PTPRM: variants seen among roughly 807,000 people sequenced by gnomAD.
PTPRM encodes the protein protein tyrosine phosphatase receptor type M, also known as receptor-type tyrosine-protein phosphatase mu.
In PTPRM, 47 loss-of-function variants were observed where a neutral mutation model predicts 186.7. The observed-to-expected ratio is 0.25, with a 90% CI of 0.20 to 0.32. The LOEUF (loss-of-function observed/expected upper bound fraction) is 0.32, where lower values mean the gene tolerates loss of function less well. PTPRM is among the 10% of genes least tolerant of loss of function. PTPRM has a pLI of 1.00. For synonymous variants in PTPRM, 668 were observed against 674.9 expected, an observed-to-expected ratio of 0.99 and a Z score of 0.16; for missense variants, 1,494 against 1,865.0, an observed-to-expected ratio of 0.80 and a Z score of 3.66.
Position 8,277,950 on chromosome 18 carries a change from G to GA in PTPRM, c.2755-18411dup, listed in dbSNP as rs1044713678. ...GAGTAGGGAGAGAAGTGGGCTAGAA[G>GA]AAAAAAATTAACTATGGAAAAACAT... On this transcript the variant is annotated intron_variant, in intron 19 of 32. Transcript: ENST00000580170. Among the ~76,000 whole-genome samples, 11 of 152,288 alleles carry GA rather than the reference G, an allele frequency of 7.2e-5. No homozygotes were observed. In the South Asian group the frequency reaches 1.7e-3, roughly 23 times the overall value.
Position 7,947,003 on chromosome 18 carries a change from T to A in PTPRM, c.664-2178T>A, listed in dbSNP as rs529871690. On this transcript the variant is annotated intron_variant, in intron 5 of 32. Transcript: ENST00000580170. ...GTGAGTTTTACAGCAGCACTGAACATATGGGAGGCCTTGTGGTTTTCTAGG... is the reference window on the plus strand; with the variant it reads ...GTGAGTTTTACAGCAGCACTGAACAAATGGGAGGCCTTGTGGTTTTCTAGG... 1.6e-3 allele frequency: 748 copies of A among 456,114 alleles called. 15 individuals are homozygous for A. The highest frequency in any genetic ancestry group is 0.011 in the South Asian group (727 of 64,558). The allele number at this position is 456,114 out of a possible 1,614,324, so 28.3% of individuals were successfully genotyped here.
At chr18:7,793,036 C>G (rs537732295) in intron 2 of PTPRM, among the ~76,000 whole-genome samples, 1 of 152,242 alleles carries the variant, frequency 6.6e-6, no homozygotes, top group Middle Eastern at 3.4e-3. Flanking sequence ...CTGCAAGGAC[C>G]AAATCAAGGA....
At chr18:8,240,523 AAGG>A (rs2094407457) in intron 14 of PTPRM, among the ~76,000 whole-genome samples, 2 of 103,328 alleles carry the variant, frequency 1.9e-5, no homozygotes, top group African/African-American at 4.1e-5. Flanking sequence ...GGAAGGAAGG[AAGG>A]AAGGAAGGAA....
At chr18:7,796,041 C>G (rs2043625221) in intron 2 of PTPRM, among the ~76,000 whole-genome samples, 1 of 151,972 alleles carries the variant, frequency 6.6e-6, no homozygotes, top group African/African-American at 2.4e-5. Flanking sequence ...AACTCTTGGG[C>G]TCAAGTGATC....
chr18:7,917,896 A>G (rs141534586), intron 4 of PTPRM, among the ~76,000 whole-genome samples: 39 of 152,230 alleles, frequency 2.6e-4, no homozygotes, highest in African/African-American at 8.4e-4. Flanking sequence ...CATGAGATCC[A>G]CTATTTTAGC....
At chr18:7,981,020 T>C (rs7351012) in intron 7 of PTPRM, among the ~76,000 whole-genome samples, 70,173 of 151,924 alleles carry the variant, frequency 0.46, 16,538 homozygotes, top group African/African-American at 0.55. Context: ...CAGTTCCCCT[T>C]GTTTTTCCCC....
chr18:8,349,549 A>G (rs984511533), intron 23 of PTPRM, among the ~76,000 whole-genome samples: 1 of 152,222 alleles, frequency 6.6e-6, no homozygotes, highest in African/African-American at 2.4e-5. Context: ...CGCCTATCAT[A>G]GGATGAAGCT....
intron 9 of PTPRM, among the ~76,000 whole-genome samples, chr18:8,077,971 G>A (rs1362264417): frequency 6.6e-6 from 1 of 152,158 alleles, no homozygotes; most frequent in African/African-American, 2.4e-5. Context: ...GGACTACCCA[G>A]TTGAACACTG....
intron 14 of PTPRM, among the ~76,000 whole-genome samples, chr18:8,222,657 C>T (rs2094166839): frequency 6.6e-6 from 1 of 152,190 alleles, no homozygotes; most frequent in Non-Finnish European, 1.5e-5. Context: ...AATGTAATGT[C>T]TGTCATATTA....
At chr18:7,848,862 A>T (rs2046726409) in intron 2 of PTPRM, among the ~76,000 whole-genome samples, 1 of 152,102 alleles carries the variant, frequency 6.6e-6, no homozygotes, top group Middle Eastern at 3.4e-3. Context: ...AGTTTTTTTT[A>T]AATTTTCATT....
intron 14 of PTPRM, among the ~76,000 whole-genome samples, chr18:8,231,404 TCTTC>T (rs1476559536): frequency 6.6e-6 from 1 of 152,174 alleles, no homozygotes; most frequent in Non-Finnish European, 1.5e-5. Flanking sequence ...AGTGATTTCT[TCTTC>T]CTTCCAGCCA....
intron 2 of PTPRM, among the ~76,000 whole-genome samples, chr18:7,827,999 T>C (rs2045573343): frequency 6.6e-6 from 1 of 152,204 alleles, no homozygotes; most frequent in South Asian, 2.1e-4. Context: ...TGAGAGTGGC[T>C]GACATGATGA....
intron 13 of PTPRM, among the ~76,000 whole-genome samples, chr18:8,138,501 T>C (rs2092689688): frequency 6.6e-6 from 1 of 152,142 alleles, no homozygotes; most frequent in African/African-American, 2.4e-5. Context: ...TTCAAAACTT[T>C]TTGGCCTGAG....
chr18:8,351,446 G>A (rs2095533617), intron 23 of PTPRM, among the ~76,000 whole-genome samples: 1 of 152,188 alleles, frequency 6.6e-6, no homozygotes, highest in African/African-American at 2.4e-5. Flanking sequence ...TTGAGCATCT[G>A]TTGTGCCTGT....
intron 2 of PTPRM, among the ~76,000 whole-genome samples, chr18:7,835,785 C>A (rs558984852): frequency 1.3e-5 from 2 of 152,140 alleles, no homozygotes; most frequent in Non-Finnish European, 2.9e-5. Flanking sequence ...ATCATTATAG[C>A]CTCTTGCTAA....
At chr18:8,044,456 GTT>G (rs755649472) in intron 7 of PTPRM, among the ~76,000 whole-genome samples, 2 of 152,096 alleles carry the variant, frequency 1.3e-5, no homozygotes, top group Non-Finnish European at 2.9e-5. Context: ...TCACTACGCA[GTT>G]GCAGTAATCA....
chr18:7,810,133 A>G (rs1397165802), intron 2 of PTPRM, among the ~76,000 whole-genome samples: 1 of 152,106 alleles, frequency 6.6e-6, no homozygotes, highest in Non-Finnish European at 1.5e-5. Flanking sequence ...GCAGTAGCCA[A>G]ACACCCCTCG....
chr18:7,706,834 C>T (rs2040104849), intron 1 of PTPRM, among the ~76,000 whole-genome samples: 1 of 151,948 alleles, frequency 6.6e-6, no homozygotes, highest in Non-Finnish European at 1.5e-5. Context: ...AGAGTATTAG[C>T]AGTGAGTTAG....
At chr18:8,103,921 G>GCC (rs1221620519) in intron 11 of PTPRM, among the ~76,000 whole-genome samples, 1 of 152,114 alleles carries the variant, frequency 6.6e-6, no homozygotes, top group African/African-American at 2.4e-5. Context: ...CCATTGTATG[G>GCC]TTATCATTTG....
Sources: allele counts gnomAD v4.1 joint callset (sites outside exome capture counted in the v4.1 genomes callset), GRCh38; gene constraint gnomAD v4.1.1; transcripts MANE v1.5; gene names NCBI Gene and HGNC (gene_info 2026-07-23, HGNC 2026-07-21).